Variants in FOXP2 observed in about 807,000 individuals in gnomAD.
FOXP2 encodes forkhead box protein P2.
In FOXP2, 12 loss-of-function variants were observed where a neutral mutation model predicts 115.8. The ratio of observed to expected loss-of-function variants is 0.10; its 90% CI spans 0.07 to 0.17. The LOEUF (loss-of-function observed/expected upper bound fraction) is 0.17. FOXP2 is among the 10% of genes least tolerant of loss of function. FOXP2 has a pLI of 1.00. For synonymous variants in FOXP2, 328 were observed against 297.7 expected, an observed-to-expected ratio of 1.10 and a Z score of -1.05; for missense variants, 629 against 843.5, an observed-to-expected ratio of 0.75 and a Z score of 3.15.
intron 1 of FOXP2, among the ~76,000 whole-genome samples, chr7:114,116,200 G>A (rs1220731440): frequency 6.6e-6 from 1 of 152,158 alleles, no homozygotes; most frequent in African/African-American, 2.4e-5. Context: ...TCCTACAGGA[G>A]GGAATTAACC....
At position 114,244,629 on chromosome 7, in the gene FOXP2, C is replaced by T. The variant is rs190424579; in HGVS notation, c.-101-43390C>T. ...TATTTAACTTAATTATATCTTTATA[C>T]CTATTTCTATTTATCAATTGGTTTT... On this transcript the variant is annotated intron_variant, in intron 1 of 17. Coordinates refer to the FOXP2 transcript ENST00000634411. Among the ~76,000 whole-genome samples, 620 of 152,088 alleles carry T rather than the reference C, an allele frequency of 4.1e-3. 7 individuals carry two copies. The highest frequency in any genetic ancestry group is 0.014 in the African/African-American group (596 of 41,516).
In FOXP2 at chr7:114,381,129, C is replaced by T. The variant is rs554427859; in HGVS notation, c.-10-45373C>T. Among the ~76,000 whole-genome samples the T allele has an allele frequency of 6.6e-5, 10 of 152,292 alleles. No individual in the cohort carries two copies. In the East Asian group the frequency reaches 1.2e-3, roughly 18 times the overall value. ...TTTGTCATACCTGTGAATCCATATT[C>T]GGCAGAAACCTGTTATGCCAAGGAA... On this transcript the variant is annotated intron_variant, in intron 2 of 17. Coordinates refer to the FOXP2 transcript ENST00000634411.
At chr7:114,582,471 C>T (rs894185391) in intron 3 of FOXP2, among the ~76,000 whole-genome samples, 1 of 152,254 alleles carries the variant, frequency 6.6e-6, no homozygotes. Flanking sequence ...GACAGCTTTA[C>T]TCTCACCATA....
intron 2 of FOXP2, among the ~76,000 whole-genome samples, chr7:114,435,462 C>A (rs1440840033): frequency 6.6e-6 from 1 of 152,116 alleles, no homozygotes. Flanking sequence ...GGGAGAGTAA[C>A]TGGGAGATGA....
At chr7:114,595,628 C>G (rs1802654701) in intron 3 of FOXP2, among the ~76,000 whole-genome samples, 1 of 151,838 alleles carries the variant, frequency 6.6e-6, no homozygotes, top group Non-Finnish European at 1.5e-5. Flanking sequence ...TTTTATTCAC[C>G]ATTAGTTTAA....
chr7:114,660,201 A>C (rs1483826128), intron 13 of FOXP2, among the ~76,000 whole-genome samples: 4 of 152,236 alleles, frequency 2.6e-5, no homozygotes, highest in African/African-American at 9.6e-5. Context: ...TTATTTACTT[A>C]GACAAAAGGG....
At chr7:114,662,485 T>A (rs1436197163) in intron 14 of FOXP2, among the ~76,000 whole-genome samples, 1 of 152,120 alleles carries the variant, frequency 6.6e-6, no homozygotes, top group Non-Finnish European at 1.5e-5. Flanking sequence ...AGAGAGACAC[T>A]TCCTGTTTTT....
intron 2 of FOXP2, among the ~76,000 whole-genome samples, chr7:114,476,998 G>T (rs776993046): frequency 6.6e-6 from 1 of 151,842 alleles, no homozygotes; most frequent in Non-Finnish European, 1.5e-5. Flanking sequence ...AAAGTCAAAA[G>T]AACAACAGAT....
chr7:114,646,055 T>G (rs532383572), intron 8 of FOXP2, among the ~76,000 whole-genome samples: 88 of 60,276 alleles, frequency 1.5e-3, no homozygotes, highest in Admixed American at 3.5e-3. Flanking sequence ...TGAAGTTTTC[T>G]TCTCTAAAAA....
intron 3 of FOXP2, among the ~76,000 whole-genome samples, chr7:114,555,796 A>T (rs1238781600): frequency 6.6e-6 from 1 of 152,164 alleles, no homozygotes; most frequent in Non-Finnish European, 1.5e-5. Context: ...GACTGTCTCA[A>T]AAACAAACAA....
chr7:114,335,537 C>T (rs897086023), intron 2 of FOXP2, among the ~76,000 whole-genome samples: 3 of 151,780 alleles, frequency 2.0e-5, no homozygotes, highest in East Asian at 1.9e-4. Context: ...GAAGAAATAA[C>T]GCTGTATCAT....
chr7:114,269,879 C>T (rs1795992056), intron 1 of FOXP2, among the ~76,000 whole-genome samples: 1 of 152,048 alleles, frequency 6.6e-6, no homozygotes, highest in African/African-American at 2.4e-5. Flanking sequence ...AAGTAATGAC[C>T]TCTCCATCAT....
At chr7:114,461,589 G>T (rs1795561543) in intron 2 of FOXP2, among the ~76,000 whole-genome samples, 1 of 152,042 alleles carries the variant, frequency 6.6e-6, no homozygotes, top group African/African-American at 2.4e-5. Flanking sequence ...TTTCTCATGA[G>T]TTGCTTTTTG....
At chr7:114,437,468 C>T (rs1423247327) in intron 2 of FOXP2, among the ~76,000 whole-genome samples, 1 of 152,172 alleles carries the variant, frequency 6.6e-6, no homozygotes, top group East Asian at 1.9e-4. Flanking sequence ...ACCACATTTG[C>T]AATAACCGAT....
At chr7:114,211,063 C>T (rs1383822181) in intron 1 of FOXP2, among the ~76,000 whole-genome samples, 1 of 152,188 alleles carries the variant, frequency 6.6e-6, no homozygotes, top group Admixed American at 6.5e-5. Flanking sequence ...AACTCGGACC[C>T]GCCTCAGGCA....
intron 1 of FOXP2, among the ~76,000 whole-genome samples, chr7:114,285,973 G>T (rs1231749107): frequency 1.3e-5 from 2 of 151,820 alleles, no homozygotes; most frequent in Non-Finnish European, 2.9e-5. Flanking sequence ...TATCATTTAT[G>T]CTTTTTAGGC....
Position 114,571,896 on chromosome 7 carries a change from A to G in FOXP2, c.258+37190A>G, listed in dbSNP as rs187886016. 1.8e-3 allele frequency among the ~76,000 whole-genome samples: 274 copies of G among 151,870 alleles called. 2 individuals carry two copies. Among genetic ancestry groups the G allele is most frequent in the Non-Finnish European group, 3.2e-3 (216 of 67,802 alleles). On this transcript the variant is annotated intron_variant, in intron 3 of 16. Coordinates refer to ENST00000350908, the MANE Select transcript of FOXP2 (RefSeq NM_014491.4). ...CACAACTTTTGCTTGTTTCCTTAAG[A>G]ACTGATGTATTTATTTAGGCTCAAT...
At chr7:114,262,138 T>C (rs1473698990) in intron 1 of FOXP2, among the ~76,000 whole-genome samples, 1 of 152,066 alleles carries the variant, frequency 6.6e-6, no homozygotes, top group Non-Finnish European at 1.5e-5. Context: ...AAATATTTAC[T>C]ATCATCTGGG....
chr7:114,536,676 T>C (rs934477752), intron 3 of FOXP2, among the ~76,000 whole-genome samples: 5 of 151,510 alleles, frequency 3.3e-5, no homozygotes, highest in Non-Finnish European at 5.9e-5. Context: ...AAGACTTTCA[T>C]TGTGTCACTT....
Sources: gnomAD v4.1 joint callset for allele counts (sites outside exome capture counted in the v4.1 genomes callset) on GRCh38, gnomAD v4.1.1 for gene constraint, MANE v1.5 for transcripts, NCBI Gene and HGNC (gene_info 2026-07-23, HGNC 2026-07-21) for gene names.